Variants in TTLL4 observed in about 807,000 individuals in gnomAD.
TTLL4 encodes tubulin monoglutamylase TTLL4.
Under a neutral mutation model 122.7 loss-of-function variants are expected in TTLL4, and 85 were observed. The ratio of observed to expected loss-of-function variants is 0.69; its 90% confidence interval spans 0.58 to 0.83. The LOEUF (loss-of-function observed/expected upper bound fraction) is 0.83, where lower values mean the gene tolerates loss of function less well. Ranked by LOEUF, TTLL4 falls within the 40% of genes least tolerant of loss-of-function variation. TTLL4 has a pLI of 0.00. For synonymous variants in TTLL4, 553 were observed against 563.0 expected, an observed-to-expected ratio of 0.98 and a Z score of 0.25; for missense variants, 1,363 against 1,488.6, an observed-to-expected ratio of 0.92 and a Z score of 1.39.
chr2:218,739,745 G>C (rs905223451), intron 3 of TTLL4, among the ~76,000 whole-genome samples: 2 of 152,218 alleles, frequency 1.3e-5, no homozygotes, highest in African/African-American at 2.4e-5. Flanking sequence ...GTGGCCTAGG[G>C]ACATTTCAAG....
chr2:218,716,831 G>A (rs550778224), intron 1 of TTLL4, among the ~76,000 whole-genome samples: 102 of 152,230 alleles, frequency 6.7e-4, no homozygotes, highest in African/African-American at 2.3e-3. Flanking sequence ...AGTAAACCTG[G>A]TTGTATTCTT....
At chr2:218,746,943 C>T in intron 8 of TTLL4, 60 bp from the exon 9 acceptor site, 1 of 1,549,006 alleles carries the variant, frequency 6.5e-7, no homozygotes, top group South Asian at 1.2e-5. Flanking sequence ...TGAGTCTTGT[C>T]ATCTTCCTCA....
chr2:218,730,415 G>A, intron 2 of TTLL4, among the ~76,000 whole-genome samples: 1 of 148,880 alleles, frequency 6.7e-6, no homozygotes, highest in Non-Finnish European at 1.5e-5. Context: ...GGCTGAGGCA[G>A]AACAACCACT....
At chr2:218,732,267 C>T (rs1467545855) in intron 2 of TTLL4, among the ~76,000 whole-genome samples, 1 of 152,134 alleles carries the variant, frequency 6.6e-6, no homozygotes, top group East Asian at 1.9e-4. Flanking sequence ...AAATGGGCTT[C>T]CAGTAGTAGC....
chr2:218,750,563 G>C (rs1345470170), intron 15 of TTLL4, among the ~76,000 whole-genome samples: 7 of 151,942 alleles, frequency 4.6e-5, no homozygotes, highest in Non-Finnish European at 1.0e-4. Flanking sequence ...ATTCTTACCT[G>C]GGCAGTCAGG....
intron 2 of TTLL4, among the ~76,000 whole-genome samples, chr2:218,735,989 T>TTTC (rs1942510410): frequency 6.8e-6 from 1 of 146,916 alleles, no homozygotes; most frequent in Non-Finnish European, 1.5e-5. Flanking sequence ...TTTTTTTTTT[T>TTTC]TGTGAGACAG....
chr2:218,742,313 G>A (rs757484088), intron 5 of TTLL4, among the ~76,000 whole-genome samples: 2 of 152,126 alleles, frequency 1.3e-5, no homozygotes, highest in Non-Finnish European at 2.9e-5. Flanking sequence ...GCATTTTAAA[G>A]ATGAGTAAAA....
chr2:218,729,748 T>TAAAAAAAAAA (rs771622464), intron 2 of TTLL4, among the ~76,000 whole-genome samples: 6 of 78,724 alleles, frequency 7.6e-5, no homozygotes, highest in African/African-American at 1.5e-4. Flanking sequence ...TCTCTCTTTT[T>TAAAAAAAAAA]AAAAAAAAAA....
At chr2:218,714,555 T>G (rs1170732274) in intron 1 of TTLL4, among the ~76,000 whole-genome samples, 2 of 152,170 alleles carry the variant, frequency 1.3e-5, no homozygotes, top group Non-Finnish European at 2.9e-5. Flanking sequence ...GAACAAATAC[T>G]GAGAGTGCTC....
Position 218,754,442 on chromosome 2 carries a change from C to G in TTLL4, c.*53C>G, listed in dbSNP as rs193071168. The stretch of plus-strand genomic sequence containing the variant: ...AGGAGCATGGGCATCAGCTACCTCA[C>G]GGGAACCAGCCTGCTGTTCAGACCA... On this transcript the variant is annotated 3_prime_UTR_variant, in exon 20 of 20. Coordinates refer to ENST00000392102, the MANE Select transcript of TTLL4 (RefSeq NM_014640.5). The G allele has an allele frequency of 1.2e-4, 185 of 1,605,174 alleles. No individual in the cohort carries two copies. Among genetic ancestry groups the G allele is most frequent in the Admixed American group, 3.2e-4 (19 of 59,474 alleles).
At chr2:218,736,906 G>C (rs1488366595) in intron 2 of TTLL4, among the ~76,000 whole-genome samples, 1 of 148,000 alleles carries the variant, frequency 6.8e-6, no homozygotes, top group Non-Finnish European at 1.5e-5. Context: ...CTGGAGTACA[G>C]TGACACCAGC....
At chr2:218,759,688 T>G (rs537769158), downstream of TTLL4, among the ~76,000 whole-genome samples, 9 of 152,228 alleles carry the variant, frequency 5.9e-5, no homozygotes, top group East Asian at 1.4e-3. Flanking sequence ...GTGAGTAGTA[T>G]TGTATGTAAG....
intron 8 of TTLL4, 64 bp from the exon 9 acceptor site, chr2:218,746,939 T>C (rs1419682164): frequency 2.6e-6 from 4 of 1,542,260 alleles, no homozygotes; most frequent in Non-Finnish European, 3.5e-6. Flanking sequence ...AGAATGAGTC[T>C]TGTCATCTTC....
At chr2:218,758,330 A>C (rs1943188611), downstream of TTLL4, among the ~76,000 whole-genome samples, 1 of 152,230 alleles carries the variant, frequency 6.6e-6, no homozygotes. Flanking sequence ...TGGGGACACC[A>C]AAGCCTACTC....
chr2:218,756,427 C>G (rs1455632724), downstream of TTLL4, among the ~76,000 whole-genome samples: 1 of 152,158 alleles, frequency 6.6e-6, no homozygotes, highest in African/African-American at 2.4e-5. Context: ...AAAGACACTG[C>G]TCTTAGTTTA....
In TTLL4 at chr2:218,747,380, T is replaced by C. The variant is rs1314382590; in HGVS notation, c.2249+8T>C. On this transcript the variant is annotated splice_region_variant and intron_variant, in intron 10 of 19. Transcript: ENST00000392102. The surrounding 1 kb of genome is among the most constrained non-coding windows in gnomAD (Gnocchi z 4.7). Reference sequence around the variant, plus strand: ...GCCCCTCCTGGTACAGAGGTGAGCCTGTAGCACATATCCCTTACCCCATCC... The same window carrying C: ...GCCCCTCCTGGTACAGAGGTGAGCCCGTAGCACATATCCCTTACCCCATCC... 2 of 1,613,886 alleles carry C rather than the reference T, an allele frequency of 1.2e-6. No homozygotes were observed. The highest frequency in any genetic ancestry group is 3.3e-5 in the Admixed American group (2 of 60,014).
chr2:218,743,877 C>G (rs559253084), intron 5 of TTLL4, among the ~76,000 whole-genome samples: 2 of 152,068 alleles, frequency 1.3e-5, no homozygotes, highest in Admixed American at 1.3e-4. Flanking sequence ...CGGGGTTTCC[C>G]CATGTTGGTC....
rs1374068606 is a variant in TTLL4, at chr2:218,738,855, T to C, written c.1179T>C (p.Ala393=). Residue 393 remains alanine, a synonymous_variant, in exon 3 of 20, where the codon GCT becomes GCC. Transcript: ENST00000392102. ...AVNQQFPQED[A]GSVRRVLPGA... is the part of the protein sequence containing the mutation. ...ATCAGCAGTTTCCTCAGGAGGATGC[T>C]GGATCGGTCAGGCGGGTCCTCCCTG... 1 of 1,614,204 alleles carries C rather than the reference T, an allele frequency of 6.2e-7. No individual in the cohort carries two copies. Among genetic ancestry groups the C allele is most frequent in the East Asian group, 2.2e-5 (1 of 44,878 alleles).
chr2:218,744,896 T>G (rs1575178353), intron 5 of TTLL4, among the ~76,000 whole-genome samples: 8 of 152,228 alleles, frequency 5.3e-5, no homozygotes, highest in Admixed American at 5.2e-4. Flanking sequence ...AAACCTTGTC[T>G]TTAGGTGACA....
Sources: allele counts gnomAD v4.1 joint callset (sites outside exome capture counted in the v4.1 genomes callset), GRCh38; gene constraint gnomAD v4.1.1; non-coding constraint Gnocchi (gnomAD v3.1); transcripts MANE v1.5; gene names NCBI Gene and HGNC (gene_info 2026-07-23, HGNC 2026-07-21).